The following IL15RA variants were observed in gnomAD, a reference collection of about 807,000 sequenced individuals.
IL15RA encodes interleukin 15 receptor subunit alpha, also known as interleukin-15 receptor subunit alpha.
In IL15RA, 26 loss-of-function variants were observed where a neutral mutation model predicts 24.2. The ratio of observed to expected loss-of-function variants is 1.07; its 90% confidence interval spans 0.79 to 1.49. The LOEUF (loss-of-function observed/expected upper bound fraction) is 1.49. Ranked by LOEUF, IL15RA falls within the 40% of genes most tolerant of loss-of-function variation. IL15RA has a pLI of 0.00. For missense variants in IL15RA, 354 were observed against 356.4 expected, an observed-to-expected ratio of 0.99 and a Z score of 0.05; for synonymous variants, 166 against 157.6, an observed-to-expected ratio of 1.05 and a Z score of -0.40.
In IL15RA at chr10:5,959,682, C is replaced by A; in HGVS notation, c.616+72G>T. 7.0e-7 allele frequency: 1 copy of A among 1,438,560 alleles called. No individual in the cohort carries two copies. The highest frequency in any genetic ancestry group is 9.8e-7 in the Non-Finnish European group (1 of 1,023,244). The allele number at this position is 1,438,560 out of a possible 1,614,324, so 89.1% of individuals were successfully genotyped here. A position where few individuals can be genotyped will look rare whatever the true frequency, so the allele number is the denominator to read the frequency against. The stretch of plus-strand genomic sequence containing the variant: ...GCTGTGCTGGGGCAGCGGGCCTGGG[C>A]CAGGACCACCCAGCACCCTGGGACT... On this transcript the variant is annotated intron_variant, in intron 5 of 6. Coordinates refer to ENST00000379977, the MANE Select transcript of IL15RA (RefSeq NM_002189.4). This position sits in a 1 kb window ranked among gnomAD's most constrained non-coding sequence, Gnocchi z 4.1.
chr10:5,960,633 G>A lies in IL15RA; in HGVS notation c.383-66C>T. 1 of 1,361,612 alleles carries A rather than the reference G, an allele frequency of 7.3e-7. No homozygotes were observed. The highest frequency in any genetic ancestry group is 1.0e-6 in the Non-Finnish European group (1 of 967,100). The allele number at this position is 1,361,612 out of a possible 1,614,324, so 84.3% of individuals were successfully genotyped here. On this transcript the variant is annotated intron_variant, in intron 3 of 6. Coordinates refer to ENST00000379977, the MANE Select transcript of IL15RA (RefSeq NM_002189.4). The surrounding 1 kb of genome is among the most constrained non-coding windows in gnomAD (Gnocchi z 5.1). ...ACTCCCCTCCTCTCAGCTGCAGCAC[G>A]GGGTGATGTGGGAGCTGCCATAGTG...
rs1363062414 is a variant in IL15RA, at chr10:5,967,826, A to C, written c.89-1487T>G. 1.3e-5 allele frequency among the ~76,000 whole-genome samples: 2 copies of C among 152,196 alleles called. No homozygotes were observed. The highest frequency in any genetic ancestry group is 2.1e-4 in the South Asian group (1 of 4,834). ...GTAATCCGAGGACTTTGGGAGGCTG[A>C]GGCAGGCGAATCACCTGAGGTCAGG... On this transcript the variant is annotated intron_variant, in intron 1 of 6. Coordinates refer to ENST00000379977, the MANE Select transcript of IL15RA (RefSeq NM_002189.4). The surrounding 1 kb of genome is among the most constrained non-coding windows in gnomAD (Gnocchi z 4.4).
rs1835319374 is a variant in IL15RA at position 5,960,508 on chromosome 10, G to T, written c.442C>A (p.Pro148Thr). Residue 148 changes from proline to threonine, a missense_variant, in exon 4 of 7, where the codon CCG becomes ACG. Physicochemically the swap from Pro to Thr is conservative, Grantham distance 38 (BLOSUM62 -1). Coordinates refer to ENST00000379977, the MANE Select transcript of IL15RA (RefSeq NM_002189.4). The surrounding 1 kb of genome is among the most constrained non-coding windows in gnomAD (Gnocchi z 5.1). ...NTAATTAAIV[P>T]GSQLMPSKSP... Reference sequence around the variant, plus strand: ...TTTGAAGGCATCAGCTGGGAGCCCGGGACAATAGCTGCTGTTGTGGCCGCT... The same window carrying T: ...TTTGAAGGCATCAGCTGGGAGCCCGTGACAATAGCTGCTGTTGTGGCCGCT... The T allele has an allele frequency of 6.2e-7, 1 of 1,614,062 alleles. No homozygotes were observed. Among genetic ancestry groups the T allele is most frequent in the Non-Finnish European group, 8.5e-7 (1 of 1,180,030 alleles).
rs1485694341 is a variant in IL15RA at position 5,959,397 on chromosome 10, A to T, written c.616+357T>A. On this transcript the variant is annotated intron_variant, in intron 5 of 6. Transcript: ENST00000379977. The surrounding 1 kb of genome is among the most constrained non-coding windows in gnomAD (Gnocchi z 4.1). Reference sequence around the variant, plus strand: ...GAGGAATTGGCAGCTTCTGGCAGAGATGCTGTAACGTCAGTGCTGGCATCA... The same window carrying T: ...GAGGAATTGGCAGCTTCTGGCAGAGTTGCTGTAACGTCAGTGCTGGCATCA... Among the ~76,000 whole-genome samples, 2 of 152,110 alleles carry T rather than the reference A, an allele frequency of 1.3e-5. No homozygotes were observed. The highest frequency in any genetic ancestry group is 4.8e-5 in the African/African-American group (2 of 41,436).
In IL15RA at chr10:5,959,208, G is replaced by T. The variant is rs568016659; in HGVS notation, c.616+546C>A. ...TTTAATAGAGATGGGGTCTTGCTAT[G>T]TTGACCAGGCTGGCCTCAAATTCTG... On this transcript the variant is annotated intron_variant, in intron 5 of 6. Coordinates refer to ENST00000379977, the MANE Select transcript of IL15RA (RefSeq NM_002189.4). The surrounding 1 kb of genome is among the most constrained non-coding windows in gnomAD (Gnocchi z 4.1). 3.6e-5 allele frequency among the ~76,000 whole-genome samples: 5 copies of T among 139,782 alleles called. No homozygotes were observed. Among genetic ancestry groups the T allele is most frequent in the Non-Finnish European group, 7.7e-5 (5 of 64,916 alleles). 91.7% of individuals were successfully genotyped at this position (139,782 alleles called of 152,430 possible). A position where few individuals can be genotyped will look rare whatever the true frequency, so the allele number is the denominator to read the frequency against.
In IL15RA at chr10:5,955,767, G is replaced by C. The variant is rs1295763018; in HGVS notation, c.692+612C>G. ...ACCCCTATTCAATGAGGACTTTCAAGAATATATTCATGAGGGTATCACAAG... is the reference window on the plus strand; with the variant it reads ...ACCCCTATTCAATGAGGACTTTCAACAATATATTCATGAGGGTATCACAAG... On this transcript the variant is annotated intron_variant, in intron 6 of 6. Transcript: ENST00000379977. The surrounding 1 kb of genome is among the most constrained non-coding windows in gnomAD (Gnocchi z 5.3). Among the ~76,000 whole-genome samples the C allele has an allele frequency of 1.3e-5, 2 of 152,164 alleles. No homozygotes were observed. Among genetic ancestry groups the C allele is most frequent in the East Asian group, 3.8e-4 (2 of 5,196 alleles).
chr10:5,950,102 A>G (rs1833769212), downstream of IL15RA, among the ~76,000 whole-genome samples: 1 of 151,932 alleles, frequency 6.6e-6, no homozygotes, highest in Admixed American at 6.6e-5. The surrounding 1 kb of genome is among the most constrained non-coding windows in gnomAD (Gnocchi z 5.6). Flanking sequence ...TCTCAAAAAA[A>G]AAGTCTTATT....
At position 5,966,091 on chromosome 10, in the gene IL15RA, G is replaced by A; in HGVS notation, c.283+54C>T. On this transcript the variant is annotated intron_variant, in intron 2 of 6. Transcript: ENST00000379977. The surrounding 1 kb of genome is among the most constrained non-coding windows in gnomAD (Gnocchi z 6.4). Reference sequence around the variant, plus strand: ...CCCTGAGATGGGGTCTTCTCTCTGTGCAGCCTTGGCAGGGTGGGGGAGGGA... The same window carrying A: ...CCCTGAGATGGGGTCTTCTCTCTGTACAGCCTTGGCAGGGTGGGGGAGGGA... The A allele has an allele frequency of 9.5e-6, 12 of 1,267,970 alleles. No individual in the cohort carries two copies. In the South Asian group the frequency reaches 1.4e-4, roughly 15 times the overall value. 78.5% of individuals were successfully genotyped at this position (1,267,970 alleles called of 1,614,324 possible).
rs769709107 is a variant in IL15RA, at chr10:5,966,105, G to C, written c.283+40C>G. 6 of 1,402,780 alleles carry C rather than the reference G, an allele frequency of 4.3e-6. No homozygotes were observed. Among genetic ancestry groups the C allele is most frequent in the African/African-American group, 1.4e-5 (1 of 71,114 alleles). The allele number at this position is 1,402,780 out of a possible 1,614,324, so 86.9% of individuals were successfully genotyped here. A position where few individuals can be genotyped will look rare whatever the true frequency, so the allele number is the denominator to read the frequency against. ...CTTCTCTCTGTGCAGCCTTGGCAGG[G>C]TGGGGGAGGGAGGAAGGTGGGGTGG... On this transcript the variant is annotated intron_variant, in intron 2 of 6. Coordinates refer to ENST00000379977, the MANE Select transcript of IL15RA (RefSeq NM_002189.4). This position sits in a 1 kb window ranked among gnomAD's most constrained non-coding sequence, Gnocchi z 6.4.
At position 5,953,427 on chromosome 10, in the gene IL15RA, G is replaced by A. The variant is rs770273864; in HGVS notation, c.693-221C>T. The stretch of plus-strand genomic sequence containing the variant: ...GTATTAAATCCTATCTAGGGGCCAG[G>A]TGTGGTGGCGCATGCCTGTAATCCT... On this transcript the variant is annotated intron_variant, in intron 6 of 6. Coordinates refer to ENST00000379977, the MANE Select transcript of IL15RA (RefSeq NM_002189.4). This position sits in a 1 kb window ranked among gnomAD's most constrained non-coding sequence, Gnocchi z 5.3. 4.3e-6 allele frequency: 3 copies of A among 695,358 alleles called. No individual in the cohort carries two copies. The highest frequency in any genetic ancestry group is 7.9e-6 in the Non-Finnish European group (3 of 379,262). The allele number at this position is 695,358 out of a possible 1,614,324, so 43.1% of individuals were successfully genotyped here.
In IL15RA at chr10:5,963,892, G is replaced by T; in HGVS notation, c.284-51C>A. On this transcript the variant is annotated intron_variant, in intron 2 of 6. Transcript: ENST00000379977. The surrounding 1 kb of genome is among the most constrained non-coding windows in gnomAD (Gnocchi z 5.3). The stretch of plus-strand genomic sequence containing the variant: ...CTTATGATCCTGAGCCTGGAACCTG[G>T]GCTGGCTTCAGAACGGGATACAAAT... The T allele has an allele frequency of 2.4e-6, 3 of 1,243,008 alleles. No individual in the cohort carries two copies. Among genetic ancestry groups the T allele is most frequent in the Non-Finnish European group, 3.4e-6 (3 of 893,150 alleles). 77.0% of individuals were successfully genotyped at this position (1,243,008 alleles called of 1,614,324 possible).
At position 5,962,632 on chromosome 10, in the gene IL15RA, C is replaced by T. The variant is rs41294165; in HGVS notation, c.382+1111G>A. On this transcript the variant is annotated intron_variant, in intron 3 of 6. Transcript: ENST00000379977. This position sits in a 1 kb window ranked among gnomAD's most constrained non-coding sequence, Gnocchi z 5.2. ...AAAGATCCACCTGGGGCTGGAGAGG[C>T]GTGAGTCCCAGATTGCACCCAGGCC... Among the ~76,000 whole-genome samples, 3,444 of 150,694 alleles carry T rather than the reference C, an allele frequency of 0.023. 61 individuals are homozygous for T. The highest frequency in any genetic ancestry group is 0.062 in the Middle Eastern group (18 of 288).
chr10:5,971,746 C>T lies in IL15RA; in HGVS notation c.89-5407G>A, dbSNP rs1837649057. 6.6e-6 allele frequency among the ~76,000 whole-genome samples: 1 copy of T among 152,220 alleles called. No individual in the cohort carries two copies. The highest frequency in any genetic ancestry group is 1.5e-5 in the Non-Finnish European group (1 of 68,038). On this transcript the variant is annotated intron_variant, in intron 1 of 6. Coordinates refer to ENST00000379977, the MANE Select transcript of IL15RA (RefSeq NM_002189.4). This position sits in a 1 kb window ranked among gnomAD's most constrained non-coding sequence, Gnocchi z 5.5. The stretch of plus-strand genomic sequence containing the variant: ...TTATTTTCCCCGCTGAAATGTCAGC[C>T]AAGTCAACACACTTCCTTTTGGAGT...
chr10:5,956,248 C>T, intron 6 of IL15RA, 131 bp downstream of exon 6: 2 of 686,446 alleles, frequency 2.9e-6, no homozygotes, highest in African/African-American at 1.8e-5. Context: ...CTCCTGACCT[C>T]AAGTGATCTG....
At chr10:5,949,441 G>T (rs1200916736), downstream of IL15RA, 4 of 460,186 alleles carry the variant, frequency 8.7e-6, no homozygotes, top group Admixed American at 2.4e-5. This position sits in a 1 kb window ranked among gnomAD's most constrained non-coding sequence, Gnocchi z 4.4. Flanking sequence ...CTAGCAGTGT[G>T]AGGTGGGGGA....
rs905953715 is a variant in IL15RA at position 5,970,504 on chromosome 10, A to G, written c.89-4165T>C. Among the ~76,000 whole-genome samples the G allele has an allele frequency of 1.3e-5, 2 of 152,174 alleles. No individual in the cohort carries two copies. Among genetic ancestry groups the G allele is most frequent in the Non-Finnish European group, 2.9e-5 (2 of 68,034 alleles). On this transcript the variant is annotated intron_variant, in intron 1 of 6. Coordinates refer to ENST00000379977, the MANE Select transcript of IL15RA (RefSeq NM_002189.4). The surrounding 1 kb of genome is among the most constrained non-coding windows in gnomAD (Gnocchi z 4.1). ...ACTCTGTCATTTTGCTGAGAAAGGAAGTCTATCAGTGGTTCTTCCATTCTG... is the reference window on the plus strand; with the variant it reads ...ACTCTGTCATTTTGCTGAGAAAGGAGGTCTATCAGTGGTTCTTCCATTCTG...
Position 5,963,835 on chromosome 10 carries a change from G to C in IL15RA, c.290C>G (p.Pro97Arg). The change falls in exon 3 of 7, where the codon CCT (proline) becomes CGT (arginine). Residue 97 changes from proline to arginine, a missense_variant. Pro to Arg is a moderately radical substitution (Grantham distance 103). Transcript: ENST00000379977. This position sits in a 1 kb window ranked among gnomAD's most constrained non-coding sequence, Gnocchi z 5.3. ...CGCTGGCCTTTGGTGAACCAGGGCAGGGTCTCCTAGAGAGAGGATAACCAC... is the reference window on the plus strand; with the variant it reads ...CGCTGGCCTTTGGTGAACCAGGGCACGGTCTCCTAGAGAGAGGATAACCAC... The part of the protein sequence containing the change: ...TTPSLKCIRD[P>R]ALVHQRPAPP... 6.4e-7 allele frequency: 1 copy of C among 1,559,116 alleles called. No homozygotes were observed. The highest frequency in any genetic ancestry group is 1.4e-5 in the African/African-American group (1 of 71,226).
rs923816436 is a variant in IL15RA at position 5,967,534 on chromosome 10, A to G, written c.89-1195T>C. On this transcript the variant is annotated intron_variant, in intron 1 of 6. Coordinates refer to ENST00000379977, the MANE Select transcript of IL15RA (RefSeq NM_002189.4). This position sits in a 1 kb window ranked among gnomAD's most constrained non-coding sequence, Gnocchi z 4.4. ...AGATCATTCCTTTGCAACTGCAAAG[A>G]CACCTTATTCCCCATGAAGCATCAT... Among the ~76,000 whole-genome samples, 6 of 152,196 alleles carry G rather than the reference A, an allele frequency of 3.9e-5. No homozygotes were observed. The highest frequency in any genetic ancestry group is 6.5e-5 in the Admixed American group (1 of 15,276).
rs1834335596 is a variant in IL15RA, at chr10:5,955,100, A to C, written c.692+1279T>G. 6.7e-6 allele frequency among the ~76,000 whole-genome samples: 1 copy of C among 149,014 alleles called. No individual in the cohort carries two copies. The highest frequency in any genetic ancestry group is 2.5e-5 in the African/African-American group (1 of 39,392). ...CAAAATTAGGCTCAAAGGGTCACATAATTTTTTTTTTTTTTTGAGATGGAG... is the reference window on the plus strand; with the variant it reads ...CAAAATTAGGCTCAAAGGGTCACATCATTTTTTTTTTTTTTTGAGATGGAG... On this transcript the variant is annotated intron_variant, in intron 6 of 6. Transcript: ENST00000379977. The surrounding 1 kb of genome is among the most constrained non-coding windows in gnomAD (Gnocchi z 5.3).
Sources: allele counts gnomAD v4.1 joint callset (sites outside exome capture counted in the v4.1 genomes callset), GRCh38; gene constraint gnomAD v4.1.1; non-coding constraint Gnocchi (gnomAD v3.1); transcripts MANE v1.5; gene names NCBI Gene and HGNC (gene_info 2026-07-23, HGNC 2026-07-21).